The following NIN variants were observed in gnomAD, a reference collection of about 807,000 sequenced individuals.
NIN encodes ninein, also known as glycogen synthase kinase 3 beta-interacting protein.
Under a neutral mutation model 257.6 loss-of-function variants are expected in NIN, and 137 were observed. The ratio of observed to expected loss-of-function variants is 0.53; its 90% confidence interval spans 0.46 to 0.61. The LOEUF (loss-of-function observed/expected upper bound fraction) is 0.61. NIN is among the 20% of genes least tolerant of loss of function. The pLI is 0.00. For synonymous variants in NIN, 918 were observed against 919.8 expected (o/e 1.00, Z 0.04); for missense variants, 2,439 against 2,501.2 (o/e 0.98, Z 0.53).
At chr14:50,800,118 G>A (rs1180191334) in intron 4 of NIN, among the ~76,000 whole-genome samples, 1 of 151,616 alleles carries the variant, frequency 6.6e-6, no homozygotes, top group Non-Finnish European at 1.5e-5. Flanking sequence ...AATTACATGA[G>A]TATTTCTTGC....
At chr14:50,815,943 T>C (rs937450869) in intron 3 of NIN, among the ~76,000 whole-genome samples, 2 of 152,040 alleles carry the variant, frequency 1.3e-5, no homozygotes, top group African/African-American at 2.4e-5. Flanking sequence ...CAGGCAGAGG[T>C]TGCAGTGAGC....
chr14:50,725,922 TG>T, intron 30 of NIN, 30 bp downstream of exon 30: 1 of 1,613,854 alleles, frequency 6.2e-7, no homozygotes, highest in South Asian at 1.1e-5. Flanking sequence ...GAATGTGAGG[TG>T]GGTGAACAGA....
At chr14:50,825,093 G>A (rs1212811546) in intron 2 of NIN, among the ~76,000 whole-genome samples, 1 of 152,212 alleles carries the variant, frequency 6.6e-6, no homozygotes, top group African/African-American at 2.4e-5. Context: ...TTTGTTCTGA[G>A]AGTTAAATGT....
chr14:50,792,962 C>A, intron 4 of NIN, 81 bp from the exon 5 acceptor site: 2 of 1,398,232 alleles, frequency 1.4e-6, no homozygotes, highest in South Asian at 2.5e-5. Flanking sequence ...TCGGACACAG[C>A]CTCTTATACC....
chr14:50,734,753 C>T (rs549572309), intron 28 of NIN, among the ~76,000 whole-genome samples: 7 of 152,042 alleles, frequency 4.6e-5, no homozygotes, highest in South Asian at 2.1e-4. Flanking sequence ...GATCTCAGCT[C>T]ATTGCTACCT....
At chr14:50,791,070 A>C (rs1184704660) in intron 5 of NIN, among the ~76,000 whole-genome samples, 3 of 152,228 alleles carry the variant, frequency 2.0e-5, no homozygotes, top group South Asian at 2.1e-4. Context: ...TAAACTTAAA[A>C]GTGTTTTCCA....
chr14:50,784,966 G>A (rs936936534), intron 5 of NIN, among the ~76,000 whole-genome samples: 3 of 152,174 alleles, frequency 2.0e-5, no homozygotes, highest in African/African-American at 7.2e-5. Context: ...GAGGGGAGAA[G>A]GTCAGAGGTT....
chr14:50,724,731 C>T (rs1595686135), intron 30 of NIN, among the ~76,000 whole-genome samples: 1 of 152,256 alleles, frequency 6.6e-6, no homozygotes, highest in East Asian at 1.9e-4. Context: ...TATACGTGTC[C>T]ACACCCCACA....
At chr14:50,741,750 T>G in intron 24 of NIN, 22 bp from the exon 25 acceptor site, 1 of 1,610,694 alleles carries the variant, frequency 6.2e-7, no homozygotes, top group Non-Finnish European at 8.5e-7. Context: ...GAATGATCTT[T>G]TACTGCTACA....
chr14:50,766,793 A>C lies in NIN; in HGVS notation c.1532T>G (p.Val511Gly). 1 of 1,611,332 alleles carries C rather than the reference A, an allele frequency of 6.2e-7. No individual in the cohort carries two copies. The highest frequency in any genetic ancestry group is 8.5e-7 in the Non-Finnish European group (1 of 1,177,496). Residue 511 changes from valine (V) to glycine (G), a missense_variant, in exon 13 of 31, where the codon GTG becomes GGG. Val to Gly is a moderately radical substitution (Grantham distance 109). Coordinates refer to ENST00000530997, the MANE Select transcript of NIN (RefSeq NM_020921.4). ...GAACAGGTTTACCTTTTCTGCTAACACATTTTCCAAATTTCTCTGAAGTTT... is the reference window on the plus strand; with the variant it reads ...GAACAGGTTTACCTTTTCTGCTAACCCATTTTCCAAATTTCTCTGAAGTTT... Reference protein sequence around the residue: ...TNKLQRNLENVLAEKFGDLDP... With the variant: ...TNKLQRNLENGLAEKFGDLDP...
At chr14:50,743,370 TAGG>T in intron 24 of NIN, 43 bp downstream of exon 24, 2 of 1,188,464 alleles carry the variant, frequency 1.7e-6, no homozygotes, top group Non-Finnish European at 2.5e-6. Context: ...TTGGAAGATC[TAGG>T]AGAATACTAA....
chr14:50,744,411 G>A (rs1566794936), intron 22 of NIN, 46 bp from the exon 23 acceptor site: 1 of 1,601,826 alleles, frequency 6.2e-7, no homozygotes, highest in South Asian at 1.1e-5. Flanking sequence ...TCTCATGGCT[G>A]TAAGTACAAA....
At position 50,773,110 on chromosome 14, in the gene NIN, T is replaced by A. The variant is rs2042795636; in HGVS notation, c.667-15A>T. 2.5e-6 allele frequency: 4 copies of A among 1,606,100 alleles called. No individual in the cohort carries two copies. In the South Asian group the frequency reaches 3.3e-5, roughly 13 times the overall value. ...TCCTCGAGCATCTAGAAAAGAGTCA[T>A]CACATATTTTAAATACTCCATTCAA... On this transcript the variant is annotated splice_polypyrimidine_tract_variant and intron_variant, in intron 7 of 30. Coordinates refer to ENST00000530997, the MANE Select transcript of NIN (RefSeq NM_020921.4).
At chr14:50,770,687 C>A in intron 11 of NIN, 125 bp from the exon 12 acceptor site, 1 of 1,355,178 alleles carries the variant, frequency 7.4e-7, no homozygotes, top group Non-Finnish European at 1.0e-6. Context: ...CTAGTGTACC[C>A]TGCTTTCCCT....
intron 20 of NIN, among the ~76,000 whole-genome samples, chr14:50,753,849 A>T (rs551033026): frequency 6.6e-6 from 1 of 152,234 alleles, no homozygotes; most frequent in South Asian, 2.1e-4. Flanking sequence ...GCACTTCTCT[A>T]ATCACTAATA....
intron 29 of NIN, among the ~76,000 whole-genome samples, chr14:50,728,293 T>C (rs760604918): frequency 1.3e-5 from 2 of 152,152 alleles, no homozygotes; most frequent in Non-Finnish European, 2.9e-5. Flanking sequence ...CACTCTACCA[T>C]CACAATTTAA....
At position 50,748,088 on chromosome 14, in the gene NIN, A is replaced by G; in HGVS notation, c.4968T>C (p.Ser1656=). The G allele has an allele frequency of 6.2e-7, 1 of 1,612,934 alleles. No homozygotes were observed. The highest frequency in any genetic ancestry group is 8.5e-7 in the Non-Finnish European group (1 of 1,178,906). Residue 1656 remains serine, a synonymous_variant, in exon 22 of 31, where the codon TCT becomes TCC. Transcript: ENST00000530997. ...RCKVQSSTLV[S]SLEAELSEVK... is the part of the protein sequence containing the mutation. Reference sequence around the variant, plus strand: ...CTTCAGAGAGCTCCGCCTCCAGAGAAGACACTAAAGTGGAGGACTAAGAGA... The same window carrying G: ...CTTCAGAGAGCTCCGCCTCCAGAGAGGACACTAAAGTGGAGGACTAAGAGA...
chr14:50,760,173 A>T lies in NIN; in HGVS notation c.2083T>A (p.Cys695Ser), dbSNP rs1331123454. ...TGTTTTTTCTCCTCCTCATGCCTGC[A>T]AGTGGCCTCATGATGTGCCTCCTTG... ...VLKEAHHEAT[C>S]RHEEEKKQLQ... The change falls in exon 17 of 31, where the codon TGC (cysteine) becomes AGC (serine). Residue 695 changes from cysteine to serine, a missense_variant. Physicochemically the swap from Cys to Ser is moderately radical, Grantham distance 112. Coordinates refer to ENST00000530997, the MANE Select transcript of NIN (RefSeq NM_020921.4). 3 of 1,613,978 alleles carry T rather than the reference A, an allele frequency of 1.9e-6. No individual in the cohort carries two copies. In the Admixed American group the frequency reaches 5.0e-5, roughly 27 times the overall value.
chr14:50,767,764 C>A (rs1438740503), intron 12 of NIN, among the ~76,000 whole-genome samples: 1 of 150,880 alleles, frequency 6.6e-6, no homozygotes, highest in Non-Finnish European at 1.5e-5. Context: ...TTGCAGTGAG[C>A]CGAGATGGCG....
Sources: gnomAD v4.1 joint callset for allele counts (sites outside exome capture counted in the v4.1 genomes callset) on GRCh38, gnomAD v4.1.1 for gene constraint, MANE v1.5 for transcripts, NCBI Gene and HGNC (gene_info 2026-07-23, HGNC 2026-07-21) for gene names.